Variants in SCN1A observed in about 807,000 individuals in gnomAD.
SCN1A encodes the protein sodium channel protein type 1 subunit alpha.
Under a neutral mutation model 193.7 loss-of-function variants are expected in SCN1A, and 13 were observed. The ratio of observed to expected loss-of-function variants is 0.07; its 90% CI spans 0.04 to 0.11. The LOEUF (loss-of-function observed/expected upper bound fraction) is 0.11, where lower values mean the gene tolerates loss of function less well. Among genes scored for constraint, SCN1A ranks in the 10% least tolerant of loss-of-function variants. SCN1A has a pLI of 1.00. For missense variants in SCN1A, 1,432 were observed against 2,451.1 expected, an observed-to-expected ratio of 0.58 and a Z score of 8.78; for synonymous variants, 781 against 843.6, an observed-to-expected ratio of 0.93 and a Z score of 1.29.
chr2:166,118,202 T>C (rs1232090266), intron 2 of SCN1A, among the ~76,000 whole-genome samples: 1 of 146,594 alleles, frequency 6.8e-6, no homozygotes, highest in Non-Finnish European at 1.5e-5. Context: ...CCAGAGAAGA[T>C]ACAGTCAAGA....
chr2:166,103,523 T>C (rs1688366536), intron 2 of SCN1A, among the ~76,000 whole-genome samples: 1 of 151,698 alleles, frequency 6.6e-6, no homozygotes, highest in East Asian at 1.9e-4. Context: ...TAAGTTATCT[T>C]TGAGACACGG....
chr2:166,102,238 TG>T (rs1216038019), intron 2 of SCN1A, among the ~76,000 whole-genome samples: 1 of 152,206 alleles, frequency 6.6e-6, no homozygotes, highest in Admixed American at 6.5e-5. Context: ...GACTCGCGCC[TG>T]CAATCCCAGC....
At chr2:166,067,270 T>C (rs559793456) in intron 4 of SCN1A, among the ~76,000 whole-genome samples, 2 of 152,200 alleles carry the variant, frequency 1.3e-5, no homozygotes, top group South Asian at 4.1e-4. Flanking sequence ...AGTCCCAAGA[T>C]GGTGATGTTG....
At chr2:166,072,996 C>T (rs960054478) in intron 4 of SCN1A, among the ~76,000 whole-genome samples, 4 of 151,998 alleles carry the variant, frequency 2.6e-5, no homozygotes, top group African/African-American at 9.7e-5. Flanking sequence ...TGTGCCACCA[C>T]GCCCAGCAAA....
rs530752871 is a variant in SCN1A, at chr2:165,986,118, C to T, written c.*5127G>A. On this transcript the variant is annotated 3_prime_UTR_variant, in exon 29 of 29. Transcript: ENST00000674923. The stretch of plus-strand genomic sequence containing the variant: ...TATTAAAACCAATGACCCATTATCA[C>T]GTATTCTCACCATCATTTCCAAAGA... 22 of 152,200 alleles carry T rather than the reference C, an allele frequency of 1.4e-4. No homozygotes were observed. In the South Asian group the frequency reaches 3.9e-3, roughly 27 times the overall value. The allele number at this position is 152,200 out of a possible 1,614,324, so 9.4% of individuals were successfully genotyped here.
Position 166,036,280 on chromosome 2 carries a change from G to T in SCN1A, c.3197C>A (p.Thr1066Lys). 1 of 1,613,780 alleles carries T rather than the reference G, an allele frequency of 6.2e-7. No individual in the cohort carries two copies. The highest frequency in any genetic ancestry group is 1.3e-5 in the African/African-American group (1 of 75,006). ...NKKDSCMSNHTAEIGKDLDYL... is the reference protein window; with the variant it reads ...NKKDSCMSNHKAEIGKDLDYL... ...GTCAAGATCTTTCCCAATTTCTGCT[G>T]TATGATTGGACATACAACTGTCTTT... Residue 1066 changes from threonine to lysine, a missense_variant, in exon 19 of 29, where the codon ACA becomes AAA. By Grantham distance (78) the Thr-to-Lys change is moderately conservative. Around this residue, in one of 18 missense-constraint regions of SCN1A, gnomAD observed 198 missense variants for 225.8 expected, o/e 0.88. Coordinates refer to ENST00000674923, the MANE Select transcript of SCN1A (RefSeq NM_001165963.4).
At chr2:166,109,179 G>T (rs990036359) in intron 2 of SCN1A, among the ~76,000 whole-genome samples, 3 of 151,942 alleles carry the variant, frequency 2.0e-5, no homozygotes, top group East Asian at 1.9e-4. Context: ...ACTACTCTTG[G>T]TGTTATGTTG....
chr2:166,105,904 C>T (rs543999273), intron 2 of SCN1A, among the ~76,000 whole-genome samples: 6 of 152,256 alleles, frequency 3.9e-5, no homozygotes, highest in East Asian at 3.9e-4. Flanking sequence ...ATACAGAAAC[C>T]GGGCCGGGCG....
intron 2 of SCN1A, among the ~76,000 whole-genome samples, chr2:166,092,976 C>T (rs990631462): frequency 3.3e-5 from 5 of 152,078 alleles, no homozygotes; most frequent in Non-Finnish European, 5.9e-5. Context: ...TCACCCCTTT[C>T]CCATGGCCAC....
At chr2:166,147,172 T>G (rs1692359160) in intron 1 of SCN1A, among the ~76,000 whole-genome samples, 1 of 152,116 alleles carries the variant, frequency 6.6e-6, no homozygotes, top group Non-Finnish European at 1.5e-5. Flanking sequence ...ATGTTGCTGG[T>G]TAGGAGACCC....
At chr2:166,070,074 C>A (rs1175681358) in intron 4 of SCN1A, among the ~76,000 whole-genome samples, 6 of 151,984 alleles carry the variant, frequency 3.9e-5, no homozygotes, top group Non-Finnish European at 8.8e-5. Context: ...TTAGTCAGAG[C>A]AAATTAATTC....
intron 2 of SCN1A, among the ~76,000 whole-genome samples, chr2:166,113,742 G>A (rs755387876): frequency 1.4e-4 from 21 of 152,264 alleles, no homozygotes; most frequent in Non-Finnish European, 2.6e-4. Flanking sequence ...CAAGGTGGGT[G>A]GATGATAGGA....
intron 22 of SCN1A, among the ~76,000 whole-genome samples, chr2:166,010,822 CAG>C (rs949266573): frequency 1.3e-5 from 2 of 150,764 alleles, no homozygotes; most frequent in African/African-American, 4.8e-5. Context: ...AGAATTAAAA[CAG>C]AACATTGAAA....
chr2:166,088,317 A>G (rs1209949521), intron 2 of SCN1A, among the ~76,000 whole-genome samples: 2 of 151,838 alleles, frequency 1.3e-5, no homozygotes, highest in African/African-American at 4.8e-5. Flanking sequence ...AGTTCAATGC[A>G]TGTCCTGCAT....
intron 23 of SCN1A, among the ~76,000 whole-genome samples, chr2:166,004,470 T>C (rs1691380282): frequency 6.6e-6 from 1 of 151,524 alleles, no homozygotes; most frequent in African/African-American, 2.4e-5. Flanking sequence ...TCTTTTCCAT[T>C]CTCACAGTCA....
chr2:166,083,558 G>A (rs904297136), intron 2 of SCN1A, among the ~76,000 whole-genome samples: 1 of 151,898 alleles, frequency 6.6e-6, no homozygotes, highest in Non-Finnish European at 1.5e-5. Context: ...ACAATACATA[G>A]AAATACAGTA....
chr2:166,135,936 C>CGGCA (rs1409923779), intron 1 of SCN1A, among the ~76,000 whole-genome samples: 1 of 152,182 alleles, frequency 6.6e-6, no homozygotes, highest in African/African-American at 2.4e-5. Flanking sequence ...TGCTAGGCAG[C>CGGCA]GGCACTTTCA....
rs1400870623 is a variant in SCN1A, at chr2:166,073,600, G to T, written c.22C>A (p.Pro8Thr). The change falls in exon 4 of 29, where the codon CCA becomes ACA. Residue 8 changes from proline (P) to threonine (T), a missense_variant. Pro to Thr is a conservative substitution (Grantham distance 38, BLOSUM62 -1). Around this residue, in one of 18 missense-constraint regions of SCN1A, gnomAD observed 55 missense variants for 58.4 expected, o/e 0.94. Transcript: ENST00000674923. ...AAGTTGAAGCTGTCAGGTCCTGGTGGTACAAGCACTGTTTGCTCCATCTTG... is the reference window on the plus strand; with the variant it reads ...AAGTTGAAGCTGTCAGGTCCTGGTGTTACAAGCACTGTTTGCTCCATCTTG... Reference protein sequence around the residue: MEQTVLVPPGPDSFNFFT... With the variant: MEQTVLVTPGPDSFNFFT... 5 of 1,614,008 alleles carry T rather than the reference G, an allele frequency of 3.1e-6. No individual in the cohort carries two copies.
chr2:166,123,161 A>G (rs750959778), intron 2 of SCN1A, among the ~76,000 whole-genome samples: 16 of 144,170 alleles, frequency 1.1e-4, no homozygotes, highest in Non-Finnish European at 1.8e-4. Flanking sequence ...TTTAACATAG[A>G]TGAAAATGAA....
Sources: allele counts gnomAD v4.1 joint callset (sites outside exome capture counted in the v4.1 genomes callset), GRCh38; gene constraint gnomAD v4.1.1; regional missense constraint gnomAD v4.1.1; transcripts MANE v1.5; gene names NCBI Gene and HGNC (gene_info 2026-07-23, HGNC 2026-07-21).